SCARB2: variants seen among roughly 807,000 people sequenced by gnomAD.
SCARB2 encodes the protein lysosome membrane protein 2.
Under a neutral mutation model 58.6 loss-of-function variants are expected in SCARB2, and 29 were observed. The ratio of observed to expected loss-of-function variants is 0.49; its 90% CI spans 0.37 to 0.67. SCARB2 has a LOEUF of 0.67. Ranked by LOEUF, SCARB2 falls within the 30% of genes least tolerant of loss-of-function variation. The pLI, the probability that SCARB2 is intolerant of heterozygous loss-of-function variation, is 0.00. For missense variants in SCARB2, 488 were observed against 578.5 expected (o/e 0.84, Z 1.60); for synonymous variants, 195 against 210.1 (o/e 0.93, Z 0.62).
At chr4:76,224,703 C>T (rs946599682) in intron 1 of SCARB2, among the ~76,000 whole-genome samples, 5 of 152,168 alleles carry the variant, frequency 3.3e-5, no homozygotes, top group Non-Finnish European at 5.9e-5. Flanking sequence ...ACTGGGACTA[C>T]AGATGCAAGC....
intron 1 of SCARB2, among the ~76,000 whole-genome samples, chr4:76,199,961 C>T (rs1000074005): frequency 6.6e-6 from 1 of 152,228 alleles, no homozygotes; most frequent in Non-Finnish European, 1.5e-5. Flanking sequence ...ATTTCTGATC[C>T]TCAGGGCATT....
intron 1 of SCARB2, among the ~76,000 whole-genome samples, chr4:76,211,383 T>G (rs1449155224): frequency 6.6e-6 from 1 of 152,214 alleles, no homozygotes; most frequent in Non-Finnish European, 1.5e-5. Context: ...GTCATAAAGC[T>G]TATACTGGCA....
intron 8 of SCARB2, among the ~76,000 whole-genome samples, chr4:76,169,238 T>C (rs1205645150): frequency 6.6e-6 from 1 of 151,992 alleles, no homozygotes; most frequent in Non-Finnish European, 1.5e-5. Context: ...GTCCATAATG[T>C]TCAAATTCCA....
Position 76,163,240 on chromosome 4 carries a change from C to T in SCARB2, c.1383G>A (p.Gln461=). ...LVFTWLACKG[Q]GSMDEGTADE... Reference sequence around the variant, plus strand: ...CAGTTCTCACCTCATCCATGGATCCCTGTCCTTTGCATGCAAGCCAGGTAA... The same window carrying T: ...CAGTTCTCACCTCATCCATGGATCCTTGTCCTTTGCATGCAAGCCAGGTAA... The change falls in exon 11 of 12, where the codon CAG becomes CAA. Residue 461 remains glutamine (Q), a synonymous_variant. Coordinates refer to ENST00000264896, the MANE Select transcript of SCARB2 (RefSeq NM_005506.4). 5.0e-6 allele frequency: 8 copies of T among 1,614,184 alleles called. No homozygotes were observed. The highest frequency in any genetic ancestry group is 6.8e-6 in the Non-Finnish European group (8 of 1,180,024).
chr4:76,184,547 T>G (rs11946079), intron 2 of SCARB2: 57,577 of 165,488 alleles, frequency 0.35, 13,286 homozygotes, highest in African/African-American at 0.66. Flanking sequence ...TCAGTCAAGG[T>G]TGCTATGGGA....
chr4:76,177,025 C>G (rs1212035430), intron 4 of SCARB2: 1 of 152,668 alleles, frequency 6.6e-6, no homozygotes, highest in Admixed American at 6.5e-5. Flanking sequence ...GCAACCCTAA[C>G]TGATACAGTA....
intron 1 of SCARB2, among the ~76,000 whole-genome samples, chr4:76,209,330 T>C (rs1732992962): frequency 6.6e-6 from 1 of 152,206 alleles, no homozygotes; most frequent in African/African-American, 2.4e-5. Flanking sequence ...ATCAAAGCAA[T>C]CTGGTTATCA....
chr4:76,176,242 C>A, intron 5 of SCARB2, 195 bp downstream of exon 5: 1 of 610,674 alleles, frequency 1.6e-6, no homozygotes, highest in Non-Finnish European at 2.9e-6. Flanking sequence ...GATAAATCTA[C>A]AAATCACTAA....
intron 1 of SCARB2, among the ~76,000 whole-genome samples, chr4:76,230,272 C>T (rs1269809577): frequency 6.6e-6 from 1 of 152,036 alleles, no homozygotes; most frequent in Non-Finnish European, 1.5e-5. Context: ...GGATTATGGC[C>T]ACCTCTCTCA....
upstream of SCARB2, among the ~76,000 whole-genome samples, chr4:76,216,077 A>G (rs750919121): frequency 3.3e-5 from 5 of 151,992 alleles, no homozygotes; most frequent in South Asian, 8.3e-4. Flanking sequence ...GAATGATTCA[A>G]CTGTCCCCAG....
chr4:76,223,587 A>G (rs1418335614), intron 1 of SCARB2, among the ~76,000 whole-genome samples: 1 of 152,152 alleles, frequency 6.6e-6, no homozygotes, highest in Non-Finnish European at 1.5e-5. Context: ...CATTGGAACC[A>G]CCTAGGAGCT....
At chr4:76,188,892 G>A (rs1441852439) in intron 2 of SCARB2, among the ~76,000 whole-genome samples, 1 of 152,166 alleles carries the variant, frequency 6.6e-6, no homozygotes, top group Non-Finnish European at 1.5e-5. Context: ...CTGCACATAT[G>A]CATATTCCTA....
At chr4:76,203,604 T>C (rs753370366) in intron 1 of SCARB2, among the ~76,000 whole-genome samples, 2 of 152,154 alleles carry the variant, frequency 1.3e-5, no homozygotes, top group Non-Finnish European at 2.9e-5. Context: ...AAGCTTCCAT[T>C]TGGGTACACA....
At chr4:76,162,022 A>G (rs1486827683) in intron 11 of SCARB2, 1 of 526,954 alleles carries the variant, frequency 1.9e-6, no homozygotes, top group Admixed American at 3.2e-5. Flanking sequence ...CTTAGACTCT[A>G]TTCAACTTGC....
chr4:76,178,793 C>G (rs1013147372), intron 4 of SCARB2, among the ~76,000 whole-genome samples: 10 of 152,234 alleles, frequency 6.6e-5, no homozygotes, highest in African/African-American at 2.2e-4. Context: ...ACAATTTCTA[C>G]GTTTTATATA....
chr4:76,169,813 T>G, intron 8 of SCARB2, 54 bp downstream of exon 8: 2 of 1,365,242 alleles, frequency 1.5e-6, no homozygotes, highest in Non-Finnish European at 1.0e-6. Flanking sequence ...TGGTGAACAA[T>G]GTATAGACAG....
At chr4:76,208,547 C>T (rs1041391558) in intron 1 of SCARB2, among the ~76,000 whole-genome samples, 5 of 152,254 alleles carry the variant, frequency 3.3e-5, no homozygotes, top group Middle Eastern at 3.4e-3. Flanking sequence ...TGAGCAAGCC[C>T]GGATGAGTAC....
chr4:76,222,372 G>A (rs932377564), intron 1 of SCARB2, among the ~76,000 whole-genome samples: 2 of 152,112 alleles, frequency 1.3e-5, no homozygotes, highest in East Asian at 1.9e-4. Context: ...GACTATAGGC[G>A]TGAGCCACCA....
intron 1 of SCARB2, among the ~76,000 whole-genome samples, chr4:76,208,793 A>G (rs530796080): frequency 3.9e-5 from 6 of 152,340 alleles, no homozygotes; most frequent in South Asian, 4.1e-4. Context: ...TCAACTCCTT[A>G]AGAGAGCCAA....
Sources: gnomAD v4.1 joint callset for allele counts (sites outside exome capture counted in the v4.1 genomes callset) on GRCh38, gnomAD v4.1.1 for gene constraint, MANE v1.5 for transcripts, NCBI Gene and HGNC (gene_info 2026-07-23, HGNC 2026-07-21) for gene names.